Variants in YIPF1 observed in about 807,000 individuals in gnomAD.
YIPF1 encodes the protein Yip1 domain family member 1.
In YIPF1, 22 loss-of-function variants were observed where a neutral mutation model predicts 37.0. That is an observed-to-expected ratio of 0.59 (90% CI 0.42 to 0.85). The LOEUF is 0.85. YIPF1 is among the 40% of genes least tolerant of loss of function. YIPF1 has a pLI of 0.00. For missense variants in YIPF1, 355 were observed against 373.1 expected (o/e 0.95, Z 0.40); for synonymous variants, 128 against 131.9 (o/e 0.97, Z 0.21).
intron 9 of YIPF1, among the ~76,000 whole-genome samples, chr1:53,865,528 T>C (rs1233692545): frequency 6.6e-6 from 1 of 152,122 alleles, no homozygotes; most frequent in East Asian, 1.9e-4. Flanking sequence ...CTGTACACCA[T>C]TTTTATATAG....
chr1:53,858,437 C>G lies in YIPF1; in HGVS notation c.*8+1619G>C, dbSNP rs146567323. On this transcript the variant is annotated intron_variant, in intron 10 of 10. Transcript: ENST00000072644. ...ACCAAACATAAACTACTGACGCACT[C>G]TGAGAGTGGCAGTAGCTTTGATTTT... is the stretch of plus-strand genomic sequence containing the variant. Among the ~76,000 whole-genome samples the G allele has an allele frequency of 3.4e-3, 520 of 152,298 alleles. 5 individuals carry two copies. Among genetic ancestry groups the G allele is most frequent in the South Asian group, 0.027 (130 of 4,826 alleles).
chr1:53,878,169 C>T, intron 6 of YIPF1, 146 bp downstream of exon 6: 1 of 725,154 alleles, frequency 1.4e-6, no homozygotes, highest in Non-Finnish European at 2.4e-6. Context: ...TCCAAAATTA[C>T]TTGCAAGGGT....
chr1:53,867,958 G>A (rs1650077205), intron 7 of YIPF1, among the ~76,000 whole-genome samples: 1 of 152,140 alleles, frequency 6.6e-6, no homozygotes, highest in Admixed American at 6.5e-5. Context: ...CTGGAGTGGA[G>A]GTCATAAAGT....
intron 9 of YIPF1, among the ~76,000 whole-genome samples, chr1:53,861,753 C>T (rs560165259): frequency 1.3e-5 from 2 of 152,000 alleles, no homozygotes; most frequent in East Asian, 1.9e-4. Context: ...GTGGCTCACA[C>T]CTGTAATCTC....
At chr1:53,862,817 C>T (rs1569607842) in intron 9 of YIPF1, among the ~76,000 whole-genome samples, 1 of 152,176 alleles carries the variant, frequency 6.6e-6, no homozygotes, top group African/African-American at 2.4e-5. Flanking sequence ...AAAGATGTTG[C>T]CATGGCATGC....
At chr1:53,879,492 A>G (rs980419206) in intron 4 of YIPF1, among the ~76,000 whole-genome samples, 2 of 145,772 alleles carry the variant, frequency 1.4e-5, no homozygotes, top group Non-Finnish European at 3.0e-5. Flanking sequence ...CTAAAGTACT[A>G]AAAATATTAC....
In YIPF1 at chr1:53,881,255, A is replaced by AAG. The variant is rs1557610321; in HGVS notation, c.195+1857_195+1858insCT. 1.3e-5 allele frequency among the ~76,000 whole-genome samples: 2 copies of AAG among 150,116 alleles called. 1 individual carries two copies. On this transcript the variant is annotated intron_variant, in intron 4 of 10. Coordinates refer to ENST00000072644, the MANE Select transcript of YIPF1 (RefSeq NM_018982.5). ...GCAAGACTCCATCTCAAAAAAAAAA[A>AAG]AAAAAAGAAAAAGAAAGAAAATCTA... is the stretch of plus-strand genomic sequence containing the variant.
chr1:53,866,509 T>A, intron 8 of YIPF1, 127 bp from the exon 9 acceptor site: 1 of 1,098,032 alleles, frequency 9.1e-7, no homozygotes, highest in Non-Finnish European at 1.3e-6. Context: ...GGTTTTTCAG[T>A]ACAGGCTGGA....
intron 8 of YIPF1, 61 bp downstream of exon 8, chr1:53,866,697 T>C (rs1650033486): frequency 6.5e-7 from 1 of 1,527,788 alleles, no homozygotes; most frequent in Admixed American, 2.1e-5. Flanking sequence ...AAATTCTTGG[T>C]TGAAGTTTCT....
At chr1:53,887,522 G>A (rs951675890) in intron 3 of YIPF1, among the ~76,000 whole-genome samples, 2 of 151,960 alleles carry the variant, frequency 1.3e-5, no homozygotes, top group African/African-American at 4.9e-5. Flanking sequence ...CCAGAAGGAA[G>A]GTAAAGGCTA....
chr1:53,887,300 G>A (rs1386064512), intron 3 of YIPF1, among the ~76,000 whole-genome samples: 2 of 151,954 alleles, frequency 1.3e-5, no homozygotes, highest in Admixed American at 6.5e-5. Context: ...GACTGGTCTC[G>A]AACTCCTGAC....
intron 9 of YIPF1, among the ~76,000 whole-genome samples, chr1:53,865,534 T>C (rs1208772339): frequency 2.0e-5 from 3 of 152,154 alleles, no homozygotes; most frequent in Admixed American, 2.0e-4. Flanking sequence ...ACCATTTTTA[T>C]ATAGAGAACT....
chr1:53,853,887 T>C (rs1649658055), intron 10 of YIPF1, among the ~76,000 whole-genome samples: 1 of 152,186 alleles, frequency 6.6e-6, no homozygotes, highest in Non-Finnish European at 1.5e-5. Context: ...ATACTCTGTT[T>C]TTCTCTCCTC....
At chr1:53,884,336 A>G (rs1038672221) in intron 3 of YIPF1, among the ~76,000 whole-genome samples, 5 of 152,122 alleles carry the variant, frequency 3.3e-5, no homozygotes, top group African/African-American at 1.2e-4. Flanking sequence ...TTCTTCACAT[A>G]GTGAGATTCA....
At chr1:53,885,908 T>A (rs1280150482) in intron 3 of YIPF1, among the ~76,000 whole-genome samples, 1 of 151,802 alleles carries the variant, frequency 6.6e-6, no homozygotes. Flanking sequence ...GGACACCCTG[T>A]TTACCCTGAT....
chr1:53,881,133 C>T (rs1443927155), intron 4 of YIPF1, among the ~76,000 whole-genome samples: 11 of 150,538 alleles, frequency 7.3e-5, no homozygotes, highest in South Asian at 2.1e-4. Context: ...CATGGTGGCA[C>T]GTGCCTGTAG....
At chr1:53,857,710 G>A (rs558643937) in intron 10 of YIPF1, among the ~76,000 whole-genome samples, 209 of 152,258 alleles carry the variant, frequency 1.4e-3, no homozygotes, top group Admixed American at 2.5e-3. Context: ...GGCCGGGCGC[G>A]ATGGCTCACA....
chr1:53,885,849 G>C (rs372471090), intron 3 of YIPF1, among the ~76,000 whole-genome samples: 7 of 149,072 alleles, frequency 4.7e-5, no homozygotes, highest in African/African-American at 1.7e-4. Context: ...GAGAGAAAAA[G>C]AGTATAATTG....
chr1:53,880,925 A>C (rs1027090912), intron 4 of YIPF1, among the ~76,000 whole-genome samples: 3 of 152,190 alleles, frequency 2.0e-5, no homozygotes, highest in Non-Finnish European at 2.9e-5. Flanking sequence ...GGTGGATTAA[A>C]GACTTAAATG....
Sources: allele counts gnomAD v4.1 joint callset (sites outside exome capture counted in the v4.1 genomes callset), GRCh38; gene constraint gnomAD v4.1.1; transcripts MANE v1.5; gene names NCBI Gene and HGNC (gene_info 2026-07-23, HGNC 2026-07-21).